Variants in TBC1D23 observed in about 807,000 individuals in gnomAD.
TBC1D23 encodes HCV non-structural protein 4A-transactivated protein 1.
TBC1D23 carries 55 observed loss-of-function variants against 91.4 expected under a neutral mutation model. The observed-to-expected ratio is 0.60, with a 90% CI of 0.48 to 0.75. TBC1D23 has a LOEUF of 0.75. Among genes scored for constraint, TBC1D23 ranks in the 30% least tolerant of loss-of-function variants. The pLI is 0.00. For missense variants in TBC1D23, 725 were observed against 836.1 expected (o/e 0.87, Z 1.64); for synonymous variants, 289 against 281.0 (o/e 1.03, Z -0.28).
intron 1 of TBC1D23, among the ~76,000 whole-genome samples, chr3:100,263,082 C>T (rs935867018): frequency 8.5e-5 from 13 of 152,122 alleles, no homozygotes; most frequent in Non-Finnish European, 1.6e-4. Context: ...TGGGTGCAGG[C>T]GGGCTGAGTC....
chr3:100,273,577 A>G (rs1266461747), intron 1 of TBC1D23, among the ~76,000 whole-genome samples: 1 of 152,210 alleles, frequency 6.6e-6, no homozygotes, highest in Admixed American at 6.5e-5. Context: ...TCCTAAGCAA[A>G]AAGAACAAAA....
At chr3:100,280,345 TAAAAAAG>T (rs1395829025) in intron 2 of TBC1D23, among the ~76,000 whole-genome samples, 14 of 152,260 alleles carry the variant, frequency 9.2e-5, no homozygotes, top group Non-Finnish European at 1.8e-4. Flanking sequence ...ATGTTAAAAA[TAAAAAAG>T]GAAGTATGCC....
chr3:100,261,317 C>T (rs778552350), intron 1 of TBC1D23: 24 of 554,378 alleles, frequency 4.3e-5, no homozygotes, highest in Non-Finnish European at 6.4e-5. Flanking sequence ...GAACGGTCCT[C>T]CTGTGTCGTC....
chr3:100,283,679 G>A lies in TBC1D23; in HGVS notation c.344G>A (p.Cys115Tyr). ...LDIESVITFY[C>Y]KSRNIKYSTS... ...ATTGAATCTGTAATTACCTTTTATTGTAAATCACGTAACATTAAATATAGC... is the reference window on the plus strand; with the variant it reads ...ATTGAATCTGTAATTACCTTTTATTATAAATCACGTAACATTAAATATAGC... The change falls in exon 4 of 19, where the codon TGT becomes TAT. Residue 115 changes from cysteine (C) to tyrosine (Y), a missense_variant. Coordinates refer to ENST00000394144, the MANE Select transcript of TBC1D23 (RefSeq NM_001199198.3). 6.2e-7 allele frequency: 1 copy of A among 1,613,198 alleles called. No homozygotes were observed. The highest frequency in any genetic ancestry group is 1.3e-5 in the African/African-American group (1 of 75,008).
Position 100,302,162 on chromosome 3 carries a change from G to C in TBC1D23, c.1188G>C (p.Glu396Asp). ...AGTCTGGCTCCATAGCTGGTGGGGA[G>C]CACCTCTGTTTTATGGGCAGTGGCA... Reference protein sequence around the residue: ...SIESGSIAGGEHLCFMGSGRE... With the variant: ...SIESGSIAGGDHLCFMGSGRE... The change falls in exon 11 of 19, where the codon GAG becomes GAC. Residue 396 changes from glutamate to aspartate, a missense_variant. Physicochemically the swap from Glu to Asp is conservative, Grantham distance 45 (BLOSUM62 2). Coordinates refer to ENST00000394144, the MANE Select transcript of TBC1D23 (RefSeq NM_001199198.3). 6.2e-7 allele frequency: 1 copy of C among 1,614,000 alleles called. No individual in the cohort carries two copies. Among genetic ancestry groups the C allele is most frequent in the Non-Finnish European group, 8.5e-7 (1 of 1,179,908 alleles).
chr3:100,291,548 A>C (rs1465236686), intron 5 of TBC1D23, among the ~76,000 whole-genome samples: 1 of 151,092 alleles, frequency 6.6e-6, no homozygotes, highest in African/African-American at 2.4e-5. Context: ...GCACCACTGC[A>C]CTCCAGCCTG....
intron 10 of TBC1D23, among the ~76,000 whole-genome samples, chr3:100,301,622 C>T (rs1423705278): frequency 2.0e-5 from 3 of 152,096 alleles, no homozygotes; most frequent in Non-Finnish European, 4.4e-5. Flanking sequence ...TCTCCGTTAC[C>T]TGGAATAGTG....
In TBC1D23 at chr3:100,295,224, T is replaced by C. The variant is rs565519317; in HGVS notation, c.725+13T>C. The C allele has an allele frequency of 3.1e-6, 5 of 1,595,418 alleles. No homozygotes were observed. In the South Asian group the frequency reaches 5.7e-5, roughly 18 times the overall value. On this transcript the variant is annotated intron_variant, in intron 6 of 18. Coordinates refer to ENST00000394144, the MANE Select transcript of TBC1D23 (RefSeq NM_001199198.3). ...TTGTTAATGCAAAGTAAGTATCTGGTTGGTTAGATTTTTTTTCCTCTTTTC... is the reference window on the plus strand; with the variant it reads ...TTGTTAATGCAAAGTAAGTATCTGGCTGGTTAGATTTTTTTTCCTCTTTTC...
intron 4 of TBC1D23, 22 bp downstream of exon 4, chr3:100,283,833 G>T: frequency 6.5e-7 from 1 of 1,536,732 alleles, no homozygotes; most frequent in Non-Finnish European, 9.0e-7. Context: ...TTCAGTTATT[G>T]TAGTTTTTAA....
chr3:100,290,466 G>T (rs2067779601), intron 4 of TBC1D23, 112 bp from the exon 5 acceptor site: 1 of 930,154 alleles, frequency 1.1e-6, no homozygotes, highest in African/African-American at 1.7e-5. Context: ...GCCTGCTACT[G>T]TCAGGTAGGC....
intron 3 of TBC1D23, among the ~76,000 whole-genome samples, chr3:100,283,107 C>G (rs759258325): frequency 1.1e-4 from 16 of 152,128 alleles, no homozygotes; most frequent in Non-Finnish European, 1.8e-4. Context: ...GCACAGTGGC[C>G]CATGCCTATA....
chr3:100,306,278 C>A (rs749391077), intron 12 of TBC1D23, among the ~76,000 whole-genome samples, 159 bp from the exon 13 acceptor site: 10 of 152,174 alleles, frequency 6.6e-5, no homozygotes, highest in Non-Finnish European at 1.0e-4. Context: ...GCTTGGAGGC[C>A]TTTACTCCTT....
intron 5 of TBC1D23, among the ~76,000 whole-genome samples, chr3:100,291,076 A>T (rs146892621): frequency 2.8e-4 from 43 of 152,334 alleles, no homozygotes; most frequent in African/African-American, 9.9e-4. Context: ...GATGGTGTGT[A>T]TAAGAATTGG....
chr3:100,316,604 GGATTGAAATCCCTTTGATCA>G (rs1705750010), intron 16 of TBC1D23, among the ~76,000 whole-genome samples: 1 of 152,040 alleles, frequency 6.6e-6, no homozygotes, highest in South Asian at 2.1e-4. Context: ...CCAAGTGATG[GGATTGAAATCCCTTTGATCA>G]GATTGAAATT....
At chr3:100,265,267 T>G (rs1397346840) in intron 1 of TBC1D23, among the ~76,000 whole-genome samples, 2 of 152,234 alleles carry the variant, frequency 1.3e-5, no homozygotes, top group Non-Finnish European at 2.9e-5. Context: ...TCATATAAAT[T>G]TCCTGACTCC....
At position 100,310,671 on chromosome 3, in the gene TBC1D23, G is replaced by GA. The variant is rs1386999010; in HGVS notation, c.1553+130dup. 4 of 681,722 alleles carry GA rather than the reference G, an allele frequency of 5.9e-6. No individual in the cohort carries two copies. In the African/African-American group the frequency reaches 7.5e-5, roughly 13 times the overall value. The allele number at this position is 681,722 out of a possible 1,614,324, so 42.2% of individuals were successfully genotyped here. The stretch of plus-strand genomic sequence containing the variant: ...GGATTATAAAGTATATTTTCTATTA[G>GA]ATGATTTCATAGTTTTCATTAGAAT... On this transcript the variant is annotated intron_variant, in intron 14 of 18. Coordinates refer to ENST00000394144, the MANE Select transcript of TBC1D23 (RefSeq NM_001199198.3).
chr3:100,296,346 C>A, intron 8 of TBC1D23, 71 bp downstream of exon 8: 1 of 896,150 alleles, frequency 1.1e-6, no homozygotes, highest in Non-Finnish European at 1.7e-6. Flanking sequence ...TTTATATTCA[C>A]TTTAGTTAAA....
chr3:100,315,800 G>T lies in TBC1D23; in HGVS notation c.1599-299G>T, dbSNP rs58283662. On this transcript the variant is annotated intron_variant, in intron 15 of 18. Coordinates refer to ENST00000394144, the MANE Select transcript of TBC1D23 (RefSeq NM_001199198.3). ...CAAAAGGCTAAATAACTTCCGCAAG[G>T]CCAAACAGATCTAAGCATTGGTTTT... 2,673 of 344,978 alleles carry T rather than the reference G, an allele frequency of 7.7e-3. 61 individuals carry two copies. Among genetic ancestry groups the T allele is most frequent in the African/African-American group, 0.051 (2,513 of 48,942 alleles). The allele number at this position is 344,978 out of a possible 1,614,324, so 21.4% of individuals were successfully genotyped here.
chr3:100,290,318 A>G (rs552039485), intron 4 of TBC1D23, among the ~76,000 whole-genome samples: 1 of 152,304 alleles, frequency 6.6e-6, no homozygotes, highest in East Asian at 1.9e-4. Flanking sequence ...ATTTGTTTTC[A>G]GTGATCCCTG....
Sources: allele counts gnomAD v4.1 joint callset (sites outside exome capture counted in the v4.1 genomes callset), GRCh38; gene constraint gnomAD v4.1.1; transcripts MANE v1.5; gene names NCBI Gene and HGNC (gene_info 2026-07-23, HGNC 2026-07-21).